The following TRPC4 variants were observed in gnomAD, a reference collection of about 807,000 sequenced individuals.
TRPC4 encodes the protein transient receptor potential cation channel subfamily C member 4.
TRPC4 carries 49 observed loss-of-function variants against 99.4 expected under a neutral mutation model. The observed-to-expected ratio is 0.49, with a 90% CI of 0.39 to 0.63. The LOEUF is 0.63. Among genes scored for constraint, TRPC4 ranks in the 20% least tolerant of loss-of-function variants. The probability of loss-of-function intolerance (pLI) is 0.00; values close to 1 mark genes in which losing one functional copy is unlikely to be tolerated. For missense variants in TRPC4, 898 were observed against 1,152.9 expected, an observed-to-expected ratio of 0.78 and a Z score of 3.20; for synonymous variants, 454 against 425.9, an observed-to-expected ratio of 1.07 and a Z score of -0.81.
At chr13:37,799,435 A>G (rs990530014) in intron 1 of TRPC4, among the ~76,000 whole-genome samples, 1 of 152,016 alleles carries the variant, frequency 6.6e-6, no homozygotes, top group African/African-American at 2.4e-5. Flanking sequence ...GACTGTCTAC[A>G]TTTTTTATTT....
chr13:37,850,596 T>G (rs1017812550), intron 1 of TRPC4, among the ~76,000 whole-genome samples: 2 of 152,202 alleles, frequency 1.3e-5, no homozygotes, highest in African/African-American at 4.8e-5. Context: ...TTTTTTCTTT[T>G]AAACATTTTG....
chr13:37,736,324 G>A (rs565783286), intron 3 of TRPC4, among the ~76,000 whole-genome samples: 1 of 152,274 alleles, frequency 6.6e-6, no homozygotes, highest in African/African-American at 2.4e-5. Flanking sequence ...CAGATGCTCA[G>A]CAATCGGTCA....
chr13:37,643,690 G>A (rs534024591), intron 8 of TRPC4, among the ~76,000 whole-genome samples: 28 of 152,258 alleles, frequency 1.8e-4, no homozygotes, highest in South Asian at 1.5e-3. Flanking sequence ...GGAAATTAGC[G>A]TGGACTCTTA....
At chr13:37,713,406 TA>T in intron 3 of TRPC4, among the ~76,000 whole-genome samples, 3 of 152,336 alleles carry the variant, frequency 2.0e-5, no homozygotes, top group Admixed American at 2.0e-4. Flanking sequence ...AAATAAAAGC[TA>T]AACTTTCAGT....
At chr13:37,711,383 C>T (rs866134903) in intron 3 of TRPC4, among the ~76,000 whole-genome samples, 12 of 151,822 alleles carry the variant, frequency 7.9e-5, no homozygotes, top group African/African-American at 2.9e-4. Flanking sequence ...AAGTATGATA[C>T]AAATATTGTG....
chr13:37,794,453 A>C (rs1957199284), intron 1 of TRPC4, among the ~76,000 whole-genome samples: 1 of 152,104 alleles, frequency 6.6e-6, no homozygotes, highest in Admixed American at 6.6e-5. Context: ...ATAGTATAAT[A>C]CTTATCCAAA....
At position 37,753,575 on chromosome 13, in the gene TRPC4, AAGAGAGAGAG is replaced by A. The variant is rs61394712; in HGVS notation, c.379-7130_379-7121del. Reference sequence around the variant, plus strand: ...AGAGAAAGAAAGAGAGAGAGAGAGAAAGAGAGAGAGAGAGAGAGAGAGAGAGAGAGAGAAA... The same window carrying A: ...AGAGAAAGAAAGAGAGAGAGAGAGAAAGAGAGAGAGAGAGAGAGAGAGAAA... On this transcript the variant is annotated intron_variant, in intron 2 of 10. Transcript: ENST00000379705. Among the ~76,000 whole-genome samples the A allele has an allele frequency of 6.5e-4, 89 of 137,366 alleles. 1 individual carries two copies. The highest frequency in any genetic ancestry group is 2.2e-3 in the African/African-American group (78 of 35,920). 90.1% of individuals were successfully genotyped at this position (137,366 alleles called of 152,430 possible).
At chr13:37,789,084 C>CA (rs1411943943) in intron 1 of TRPC4, among the ~76,000 whole-genome samples, 1 of 152,062 alleles carries the variant, frequency 6.6e-6, no homozygotes, top group Non-Finnish European at 1.5e-5. Context: ...TTCTAAGACG[C>CA]AAATCTCATC....
chr13:37,748,103 T>A (rs1266810537), intron 2 of TRPC4, among the ~76,000 whole-genome samples: 4 of 152,118 alleles, frequency 2.6e-5, no homozygotes, highest in African/African-American at 9.7e-5. Context: ...TGGTGCAAAA[T>A]TTACAACTTA....
intron 8 of TRPC4, among the ~76,000 whole-genome samples, chr13:37,648,089 C>T (rs1321974932): frequency 1.3e-5 from 2 of 152,172 alleles, no homozygotes; most frequent in Admixed American, 6.5e-5. Context: ...ACTACAGGCA[C>T]GTGCCACCAC....
intron 8 of TRPC4, 49 bp downstream of exon 8, chr13:37,651,216 C>G: frequency 6.3e-7 from 1 of 1,599,570 alleles, no homozygotes; most frequent in Non-Finnish European, 8.6e-7. Context: ...CAAATATATT[C>G]AAATACACAA....
At chr13:37,742,226 G>A (rs1047182472) in intron 3 of TRPC4, among the ~76,000 whole-genome samples, 1 of 152,266 alleles carries the variant, frequency 6.6e-6, no homozygotes, top group East Asian at 1.9e-4. Flanking sequence ...CTCTTTGGAT[G>A]AGATTAGAGA....
intron 2 of TRPC4, among the ~76,000 whole-genome samples, chr13:37,775,085 T>C (rs548395846): frequency 2.6e-4 from 39 of 151,762 alleles, no homozygotes; most frequent in Non-Finnish European, 4.0e-4. Flanking sequence ...CAAAATCTTT[T>C]CGACAAAACC....
intron 1 of TRPC4, among the ~76,000 whole-genome samples, chr13:37,863,832 T>C (rs982247810): frequency 4.0e-5 from 6 of 151,666 alleles, no homozygotes; most frequent in African/African-American, 1.4e-4. Flanking sequence ...TAGCAGCTGA[T>C]GACAGACCAA....
chr13:37,672,195 T>A (rs921527948), intron 5 of TRPC4, among the ~76,000 whole-genome samples: 1 of 152,202 alleles, frequency 6.6e-6, no homozygotes, highest in African/African-American at 2.4e-5. Context: ...GTAAGCATAC[T>A]CACTACGTAC....
chr13:37,809,961 T>C (rs1001624257), intron 1 of TRPC4, among the ~76,000 whole-genome samples: 1 of 151,716 alleles, frequency 6.6e-6, no homozygotes, highest in Non-Finnish European at 1.5e-5. Flanking sequence ...AAAATGACTA[T>C]GATTGGGCAT....
intron 5 of TRPC4, among the ~76,000 whole-genome samples, chr13:37,673,520 TA>T (rs1952936171): frequency 6.6e-6 from 1 of 152,026 alleles, no homozygotes; most frequent in Non-Finnish European, 1.5e-5. Context: ...TTTATTTTTT[TA>T]AAGAGAAAAG....
chr13:37,810,387 A>G (rs1196815993), intron 1 of TRPC4, among the ~76,000 whole-genome samples: 3 of 152,094 alleles, frequency 2.0e-5, no homozygotes, highest in Admixed American at 2.0e-4. Flanking sequence ...TAATAGGCAT[A>G]TATCATTATG....
At chr13:37,772,526 T>A (rs1956583821) in intron 2 of TRPC4, among the ~76,000 whole-genome samples, 1 of 151,762 alleles carries the variant, frequency 6.6e-6, no homozygotes, top group African/African-American at 2.4e-5. Flanking sequence ...TGTGTATGTA[T>A]ATGCATATAT....
Sources: allele counts gnomAD v4.1 joint callset (sites outside exome capture counted in the v4.1 genomes callset), GRCh38; gene constraint gnomAD v4.1.1; transcripts MANE v1.5; gene names NCBI Gene and HGNC (gene_info 2026-07-23, HGNC 2026-07-21).